Variants in NUDT3 observed in about 807,000 individuals in gnomAD.
NUDT3 encodes the protein diphosphoinositol polyphosphate phosphohydrolase 1.
In NUDT3, 9 loss-of-function variants were observed where a neutral mutation model predicts 23.6. The observed-to-expected ratio is 0.38, with a 90% CI of 0.23 to 0.66. The LOEUF (loss-of-function observed/expected upper bound fraction) is 0.66, where lower values mean the gene tolerates loss of function less well. Ranked by LOEUF, NUDT3 falls within the 30% of genes least tolerant of loss-of-function variation. The pLI, the probability that NUDT3 is intolerant of heterozygous loss-of-function variation, is 0.52. For synonymous variants in NUDT3, 86 were observed against 82.6 expected (o/e 1.04, Z -0.22); for missense variants, 172 against 218.5 (o/e 0.79, Z 1.34).
At chr6:34,297,760 A>ATATATATATGTATTTTT (rs1763535832) in intron 2 of NUDT3, among the ~76,000 whole-genome samples, 40 of 53,618 alleles carry the variant, frequency 7.5e-4, no homozygotes, top group Non-Finnish European at 1.1e-3. Flanking sequence ...TATATATATA[A>ATATATATATGTATTTTT]TTTTTTTTTT....
chr6:34,363,493 C>G (rs980489314), intron 1 of NUDT3, among the ~76,000 whole-genome samples: 1 of 152,170 alleles, frequency 6.6e-6, no homozygotes, highest in African/African-American at 2.4e-5. Context: ...ATAAGGGAAG[C>G]AGGCTTGTCA....
intron 2 of NUDT3, among the ~76,000 whole-genome samples, chr6:34,312,905 G>A (rs1461886373): frequency 7.2e-5 from 11 of 152,144 alleles, no homozygotes; most frequent in Admixed American, 2.0e-4. Flanking sequence ...GGTGGCTCAC[G>A]TCTATAATCC....
chr6:34,293,434 G>C lies in NUDT3; in HGVS notation c.340+17C>G. On this transcript the variant is annotated intron_variant, in intron 4 of 4. Transcript: ENST00000607016. ...GGTTGTGAGGAACCCTTTCCAGGCT[G>C]TCTGGAGATGGCTTACCAATGTTAA... 6.2e-7 allele frequency: 1 copy of C among 1,614,038 alleles called. No individual in the cohort carries two copies. Among genetic ancestry groups the C allele is most frequent in the Non-Finnish European group, 8.5e-7 (1 of 1,179,926 alleles).
chr6:34,301,694 G>T (rs1302408302), intron 2 of NUDT3, among the ~76,000 whole-genome samples: 4 of 152,222 alleles, frequency 2.6e-5, no homozygotes, highest in African/African-American at 9.6e-5. Flanking sequence ...ACCAGAAGTT[G>T]ACCTTGGCTT....
rs116339511 is a variant in NUDT3, at chr6:34,350,419, A to G, written c.100-8447T>C. On this transcript the variant is annotated intron_variant, in intron 1 of 4. Coordinates refer to ENST00000607016, the MANE Select transcript of NUDT3 (RefSeq NM_006703.4). ...AATTTATGTGTCCCTTCATAAAAAT[A>G]AGGCCAAGATGAAAGTGAGTAATTA... Among the ~76,000 whole-genome samples, 1,491 of 150,996 alleles carry G rather than the reference A, an allele frequency of 9.9e-3. 96 individuals carry two copies. The highest frequency in any genetic ancestry group is 0.031 in the African/African-American group (1,278 of 40,628).
chr6:34,340,484 C>T (rs550463269), intron 2 of NUDT3, among the ~76,000 whole-genome samples: 1 of 152,290 alleles, frequency 6.6e-6, no homozygotes, highest in Non-Finnish European at 1.5e-5. Flanking sequence ...GTTATTTTCT[C>T]ATAGGTCACG....
At chr6:34,290,334 G>A (rs1763400958) in intron 4 of NUDT3, among the ~76,000 whole-genome samples, 1 of 150,348 alleles carries the variant, frequency 6.7e-6, no homozygotes, top group African/African-American at 2.4e-5. Context: ...CCGAACACGA[G>A]GGATCTTCCT....
At position 34,285,336 on chromosome 6, in the gene NUDT3, CAG is replaced by C. The variant is rs927970959; in HGVS notation, c.*3415_*3416del. 5 of 152,182 alleles carry C rather than the reference CAG, an allele frequency of 3.3e-5. No individual in the cohort carries two copies. The highest frequency in any genetic ancestry group is 7.2e-5 in the African/African-American group (3 of 41,438). 9.4% of individuals were successfully genotyped at this position (152,182 alleles called of 1,614,324 possible). On this transcript the variant is annotated 3_prime_UTR_variant, in exon 5 of 5. Coordinates refer to ENST00000607016, the MANE Select transcript of NUDT3 (RefSeq NM_006703.4). ...CACACACACACACCCAGAGAGAAGA[CAG>C]AGAGAAAATCCTGGTCCAAAAGATC...
intron 4 of NUDT3, 150 bp downstream of exon 4, chr6:34,293,301 A>G: frequency 2.4e-6 from 2 of 839,554 alleles, no homozygotes; most frequent in Non-Finnish European, 3.8e-6. Flanking sequence ...GGCTCAGGTG[A>G]TCCTCCTGTG....
chr6:34,368,430 G>C (rs945990104), intron 1 of NUDT3, among the ~76,000 whole-genome samples: 4 of 152,216 alleles, frequency 2.6e-5, no homozygotes, highest in Non-Finnish European at 5.9e-5. Context: ...ATAAAGCAAA[G>C]AAGTGCAGCA....
At chr6:34,323,706 C>G (rs1489503870) in intron 2 of NUDT3, among the ~76,000 whole-genome samples, 1 of 152,206 alleles carries the variant, frequency 6.6e-6, no homozygotes, top group Admixed American at 6.5e-5. Flanking sequence ...TACAACTTTA[C>G]ATTCAAATGG....
rs527893417 is a variant in NUDT3, at chr6:34,349,642, G to T, written c.100-7670C>A. Among the ~76,000 whole-genome samples the T allele has an allele frequency of 6.0e-5, 9 of 150,646 alleles. No individual in the cohort carries two copies. The East Asian group carries it at 1.5e-3, about 26-fold the overall frequency. The stretch of plus-strand genomic sequence containing the variant: ...GAAGGGGAACATGGGCATTTGCAAA[G>T]CTCTGGCCAGAGGATCTGACCCCTT... On this transcript the variant is annotated intron_variant, in intron 1 of 4. Coordinates refer to ENST00000607016, the MANE Select transcript of NUDT3 (RefSeq NM_006703.4).
intron 2 of NUDT3, among the ~76,000 whole-genome samples, chr6:34,298,606 T>C (rs543760798): frequency 3.9e-5 from 6 of 151,912 alleles, no homozygotes; most frequent in South Asian, 4.2e-4. Flanking sequence ...TTGTAGAATG[T>C]AGAAACTAAT....
chr6:34,348,801 G>C (rs943719474), intron 1 of NUDT3, among the ~76,000 whole-genome samples: 1 of 150,500 alleles, frequency 6.6e-6, no homozygotes, highest in Admixed American at 6.6e-5. Flanking sequence ...AGAAACAAAA[G>C]AACAAGTCAG....
chr6:34,330,081 G>C (rs1308363071), intron 2 of NUDT3, among the ~76,000 whole-genome samples: 1 of 152,156 alleles, frequency 6.6e-6, no homozygotes, highest in Non-Finnish European at 1.5e-5. Flanking sequence ...CCAAGTCTTT[G>C]CTATTGTGAA....
At chr6:34,368,342 A>G (rs1263573715) in intron 1 of NUDT3, among the ~76,000 whole-genome samples, 1 of 152,188 alleles carries the variant, frequency 6.6e-6, no homozygotes, top group African/African-American at 2.4e-5. Flanking sequence ...GAGAAGGCCT[A>G]TCTCTTTACA....
chr6:34,362,735 C>A (rs928292529), intron 1 of NUDT3, among the ~76,000 whole-genome samples: 2 of 152,004 alleles, frequency 1.3e-5, no homozygotes, highest in Non-Finnish European at 2.9e-5. Context: ...GGATTACAGG[C>A]GTGAGTCTCT....
chr6:34,294,796 T>G (rs115873010), intron 3 of NUDT3, among the ~76,000 whole-genome samples: 4 of 151,056 alleles, frequency 2.6e-5, no homozygotes, highest in Non-Finnish European at 3.0e-5. Flanking sequence ...ATTTTTATTT[T>G]GTAAACTTTT....
intron 2 of NUDT3, among the ~76,000 whole-genome samples, chr6:34,311,079 C>T (rs1312144136): frequency 6.6e-6 from 1 of 150,614 alleles, no homozygotes; most frequent in East Asian, 1.9e-4. Context: ...CTATCGCTAA[C>T]ATCATGCTTA....
Sources: allele counts gnomAD v4.1 joint callset (sites outside exome capture counted in the v4.1 genomes callset), GRCh38; gene constraint gnomAD v4.1.1; transcripts MANE v1.5; gene names NCBI Gene and HGNC (gene_info 2026-07-23, HGNC 2026-07-21).